The following FHOD3 variants were observed in gnomAD, a reference collection of about 807,000 sequenced individuals.
The protein encoded by FHOD3 is FH1/FH2 domain-containing protein 3.
Under a neutral mutation model 173.0 loss-of-function variants are expected in FHOD3, and 90 were observed. The observed-to-expected ratio is 0.52, with a 90% CI of 0.44 to 0.62. FHOD3 has a LOEUF of 0.62. FHOD3 is among the 20% of genes least tolerant of loss of function. The probability of loss-of-function intolerance (pLI) is 0.00; values close to 1 mark genes in which losing one functional copy is unlikely to be tolerated. For synonymous variants in FHOD3, 828 were observed against 823.0 expected, an observed-to-expected ratio of 1.01 and a Z score of -0.10; for missense variants, 1,945 against 2,034.7, an observed-to-expected ratio of 0.96 and a Z score of 0.85.
At chr18:36,677,053 A>C (rs1037871965) in intron 14 of FHOD3, among the ~76,000 whole-genome samples, 2 of 152,192 alleles carry the variant, frequency 1.3e-5, no homozygotes, top group African/African-American at 4.8e-5. Flanking sequence ...TGGTCTAAAA[A>C]AACTTCCATA....
At chr18:36,624,819 C>G (rs2033976058) in intron 9 of FHOD3, among the ~76,000 whole-genome samples, 1 of 152,208 alleles carries the variant, frequency 6.6e-6, no homozygotes, top group Non-Finnish European at 1.5e-5. Context: ...TAAAACAAAT[C>G]TTAATTCTAG....
intron 3 of FHOD3, among the ~76,000 whole-genome samples, chr18:36,399,065 G>A (rs1451481250): frequency 6.6e-6 from 1 of 152,062 alleles, no homozygotes; most frequent in Non-Finnish European, 1.5e-5. Context: ...GGAGAGTTTG[G>A]GTACCTTGTA....
chr18:36,555,380 T>G (rs1199100291), intron 5 of FHOD3, among the ~76,000 whole-genome samples: 1 of 150,754 alleles, frequency 6.6e-6, no homozygotes, highest in Admixed American at 6.6e-5. Context: ...CTTAATTCCA[T>G]TGTGGTAAAA....
At chr18:36,530,447 C>A (rs1053295439) in intron 5 of FHOD3, among the ~76,000 whole-genome samples, 2 of 152,180 alleles carry the variant, frequency 1.3e-5, no homozygotes, top group African/African-American at 2.4e-5. Context: ...CTGCCTAGAA[C>A]AACACCTTGG....
At chr18:36,647,621 A>G (rs1020423815) in intron 10 of FHOD3, among the ~76,000 whole-genome samples, 2 of 152,234 alleles carry the variant, frequency 1.3e-5, no homozygotes, top group Non-Finnish European at 2.9e-5. Context: ...ATATATACAT[A>G]TGTTCACCAG....
Position 36,298,014 on chromosome 18 carries a change from G to C in FHOD3, c.165+14G>C. On this transcript the variant is annotated intron_variant, in intron 1 of 28. Transcript: ENST00000590592. Reference sequence around the variant, plus strand: ...GCGCCGCACAAGGTACGACCCGGCGGGGTGGGCTGGGCCCCCTGGACTCAG... The same window carrying C: ...GCGCCGCACAAGGTACGACCCGGCGCGGTGGGCTGGGCCCCCTGGACTCAG... 2.0e-6 allele frequency: 3 copies of C among 1,517,740 alleles called. No homozygotes were observed. The highest frequency in any genetic ancestry group is 2.6e-6 in the Non-Finnish European group (3 of 1,133,464). 94.0% of individuals were successfully genotyped at this position (1,517,740 alleles called of 1,614,324 possible).
chr18:36,575,464 G>A (rs961359972), intron 5 of FHOD3, among the ~76,000 whole-genome samples: 2 of 152,190 alleles, frequency 1.3e-5, no homozygotes, highest in African/African-American at 2.4e-5. Context: ...AAAAAAGAAT[G>A]TAAGAAAATA....
Position 36,639,532 on chromosome 18 carries a change from G to A in FHOD3, c.1197-9784G>A, listed in dbSNP as rs572791854. 5.3e-5 allele frequency among the ~76,000 whole-genome samples: 8 copies of A among 152,270 alleles called. No homozygotes were observed. In the East Asian group the frequency reaches 1.4e-3, roughly 26 times the overall value. ...AAAAAAATTAGCCGGGCGTGGTGGC[G>A]GGTGCCTGTAGTCCCACCTACTCGG... On this transcript the variant is annotated intron_variant, in intron 10 of 28. Coordinates refer to ENST00000590592, the MANE Select transcript of FHOD3 (RefSeq NM_001281740.3).
chr18:36,508,054 A>G (rs949813488), intron 4 of FHOD3, among the ~76,000 whole-genome samples: 2 of 152,188 alleles, frequency 1.3e-5, no homozygotes, highest in Non-Finnish European at 2.9e-5. Flanking sequence ...AGAACCACCA[A>G]AAACTCCACA....
chr18:36,717,056 C>A (rs2040499581), intron 18 of FHOD3, among the ~76,000 whole-genome samples: 1 of 151,804 alleles, frequency 6.6e-6, no homozygotes, highest in Non-Finnish European at 1.5e-5. Flanking sequence ...GGGCAGTCGA[C>A]CCCTGCTAAG....
chr18:36,528,504 G>A (rs980250763), intron 5 of FHOD3, among the ~76,000 whole-genome samples: 2 of 152,124 alleles, frequency 1.3e-5, no homozygotes, highest in Non-Finnish European at 2.9e-5. Flanking sequence ...TGAGAGATCC[G>A]AAGGGCAATT....
At chr18:36,717,069 G>C (rs2040500302) in intron 18 of FHOD3, among the ~76,000 whole-genome samples, 1 of 152,046 alleles carries the variant, frequency 6.6e-6, no homozygotes, top group South Asian at 2.1e-4. Context: ...CTGCTAAGAG[G>C]TATGTTTATG....
chr18:36,484,390 G>C (rs2054085442), intron 3 of FHOD3, among the ~76,000 whole-genome samples: 1 of 152,200 alleles, frequency 6.6e-6, no homozygotes, highest in East Asian at 1.9e-4. Flanking sequence ...AGACTGGCCA[G>C]GGAGGAGCTG....
chr18:36,727,576 G>A (rs556879503), intron 19 of FHOD3, among the ~76,000 whole-genome samples: 1 of 152,308 alleles, frequency 6.6e-6, no homozygotes, highest in East Asian at 1.9e-4. Flanking sequence ...CTGCAAATGT[G>A]CAGAATCCTC....
intron 10 of FHOD3, among the ~76,000 whole-genome samples, chr18:36,630,453 C>G (rs551482513): frequency 6.6e-6 from 1 of 152,234 alleles, no homozygotes; most frequent in East Asian, 1.9e-4. Context: ...TTTAGGGGAC[C>G]AAGCCTTGAC....
intron 5 of FHOD3, among the ~76,000 whole-genome samples, chr18:36,572,223 T>G (rs1045826320): frequency 6.6e-6 from 1 of 152,232 alleles, no homozygotes; most frequent in Non-Finnish European, 1.5e-5. Context: ...TGTGGTGCCA[T>G]CTACCTCTGT....
In FHOD3 at chr18:36,441,396, G is replaced by A. The variant is rs1432456372; in HGVS notation, c.338-60536G>A. Among the ~76,000 whole-genome samples, 3 of 152,338 alleles carry A rather than the reference G, an allele frequency of 2.0e-5. No homozygotes were observed. In the East Asian group the frequency reaches 5.8e-4, roughly 29 times the overall value. On this transcript the variant is annotated intron_variant, in intron 3 of 28. Coordinates refer to ENST00000590592, the MANE Select transcript of FHOD3 (RefSeq NM_001281740.3). The stretch of plus-strand genomic sequence containing the variant: ...AATGTGGTAAGTGCCAGAAAATGTG[G>A]AAGCTCAGAGTTGTACGGGAACATA...
At chr18:36,691,561 G>A (rs573830124) in intron 16 of FHOD3, among the ~76,000 whole-genome samples, 19 of 148,186 alleles carry the variant, frequency 1.3e-4, no homozygotes, top group Middle Eastern at 3.4e-3. Context: ...TTGCTGGCCC[G>A]AATTAAGGCC....
chr18:36,720,762 C>T lies in FHOD3; in HGVS notation c.3417+2047C>T, dbSNP rs371459991. ...TCCTCCTCCTTCTTCTCCTCCTGCTCCTTCTCCTCCTCCTCCTCTTCCTCC... is the reference window on the plus strand; with the variant it reads ...TCCTCCTCCTTCTTCTCCTCCTGCTTCTTCTCCTCCTCCTCCTCTTCCTCC... On this transcript the variant is annotated intron_variant, in intron 19 of 28. Coordinates refer to ENST00000590592, the MANE Select transcript of FHOD3 (RefSeq NM_001281740.3). Among the ~76,000 whole-genome samples the T allele has an allele frequency of 9.4e-5, 14 of 148,936 alleles. No individual in the cohort carries two copies. In the East Asian group the frequency reaches 1.0e-3, roughly 11 times the overall value.
Sources: allele counts gnomAD v4.1 joint callset (sites outside exome capture counted in the v4.1 genomes callset), GRCh38; gene constraint gnomAD v4.1.1; transcripts MANE v1.5; gene names NCBI Gene and HGNC (gene_info 2026-07-23, HGNC 2026-07-21).